PAPSS1: variants seen among roughly 807,000 people sequenced by gnomAD.
The protein encoded by PAPSS1 is bifunctional 3'-phosphoadenosine 5'-phosphosulfate synthase 1.
A neutral mutation model predicts 72.0 loss-of-function variants in PAPSS1; 50 were observed. That is an observed-to-expected ratio of 0.69 (90% CI 0.55 to 0.88). The LOEUF is 0.88. Among genes scored for constraint, PAPSS1 ranks in the 40% least tolerant of loss-of-function variants. The pLI, the probability that PAPSS1 is intolerant of heterozygous loss-of-function variation, is 0.00. For missense variants in PAPSS1, 657 were observed against 782.2 expected, an observed-to-expected ratio of 0.84 and a Z score of 1.91; for synonymous variants, 261 against 263.6, an observed-to-expected ratio of 0.99 and a Z score of 0.09.
intron 5 of PAPSS1, among the ~76,000 whole-genome samples, chr4:107,672,455 G>A (rs57875128): frequency 0.18 from 27,609 of 152,224 alleles, 2,954 homozygotes; most frequent in East Asian, 0.37. Context: ...TATGCCCACG[G>A]AGCCTCGCTC....
chr4:107,659,947 C>G lies in PAPSS1; in HGVS notation c.783+12G>C. ...CTGTATCACTTAGTGTGAAAAGCAACGAAGAACTTACTTTATTAATTTTCA... is the reference window on the plus strand; with the variant it reads ...CTGTATCACTTAGTGTGAAAAGCAAGGAAGAACTTACTTTATTAATTTTCA... On this transcript the variant is annotated intron_variant, in intron 6 of 11. Transcript: ENST00000265174. The G allele has an allele frequency of 7.0e-7, 1 of 1,433,030 alleles. No individual in the cohort carries two copies. Among genetic ancestry groups the G allele is most frequent in the Non-Finnish European group, 9.8e-7 (1 of 1,019,292 alleles). 88.8% of individuals were successfully genotyped at this position (1,433,030 alleles called of 1,614,324 possible). A position where few individuals can be genotyped will look rare whatever the true frequency, so the allele number is the denominator to read the frequency against.
intron 11 of PAPSS1, among the ~76,000 whole-genome samples, chr4:107,616,941 A>T (rs1351771976): frequency 6.6e-6 from 1 of 152,146 alleles, no homozygotes; most frequent in Non-Finnish European, 1.5e-5. Context: ...TCTCATCAAT[A>T]ATCCTCTTCA....
chr4:107,633,516 A>G (rs887701066), intron 10 of PAPSS1, among the ~76,000 whole-genome samples: 1 of 152,090 alleles, frequency 6.6e-6, no homozygotes, highest in Non-Finnish European at 1.5e-5. Flanking sequence ...TTAACATAAT[A>G]ATAAAACTGT....
intron 5 of PAPSS1, among the ~76,000 whole-genome samples, chr4:107,674,653 G>C (rs570910043): frequency 2.0e-5 from 3 of 151,888 alleles, no homozygotes; most frequent in Non-Finnish European, 1.5e-5. Context: ...GGATATCCAG[G>C]AATTGAACTC....
In PAPSS1 at chr4:107,719,834, G is replaced by A. The variant is rs564638513; in HGVS notation, c.60+286C>T. Reference sequence around the variant, plus strand: ...GTTCACGGGTGAAGGATTTTCCTGGGGGTCTTACCTGAGCGGAGGCGCTGG... The same window carrying A: ...GTTCACGGGTGAAGGATTTTCCTGGAGGTCTTACCTGAGCGGAGGCGCTGG... On this transcript the variant is annotated intron_variant, in intron 1 of 11. Coordinates refer to ENST00000265174, the MANE Select transcript of PAPSS1 (RefSeq NM_005443.5). The A allele has an allele frequency of 2.5e-4, 319 of 1,295,432 alleles. 1 individual carries two copies. The African/African-American group carries it at 4.5e-3, about 18-fold the overall frequency. 80.2% of individuals were successfully genotyped at this position (1,295,432 alleles called of 1,614,324 possible).
At chr4:107,621,958 T>A (rs1725976377) in intron 11 of PAPSS1, among the ~76,000 whole-genome samples, 1 of 152,058 alleles carries the variant, frequency 6.6e-6, no homozygotes, top group Non-Finnish European at 1.5e-5. Context: ...TGAGCACAAA[T>A]GGCTGGGACC....
intron 1 of PAPSS1, among the ~76,000 whole-genome samples, chr4:107,703,622 C>T (rs1477082381): frequency 2.6e-5 from 4 of 152,094 alleles, no homozygotes; most frequent in Non-Finnish European, 5.9e-5. Context: ...TGTCCTCTCC[C>T]CATCATGTAT....
In PAPSS1 at chr4:107,660,046, A is replaced by G. The variant is rs745964642; in HGVS notation, c.696T>C (p.Tyr232=). 2 of 1,590,392 alleles carry G rather than the reference A, an allele frequency of 1.3e-6. No individual in the cohort carries two copies. The highest frequency in any genetic ancestry group is 8.6e-7 in the Non-Finnish European group (1 of 1,162,250). Residue 232 remains tyrosine (Y), a synonymous_variant, in exon 6 of 12, where the codon TAT becomes TAC. Transcript: ENST00000265174. ...CTGGCACATATAGTTCTTTTACTTCATAAGATGCATCCACAGGTACAATAT... is the reference window on the plus strand; with the variant it reads ...CTGGCACATATAGTTCTTTTACTTCGTAAGATGCATCCACAGGTACAATAT... ...ERDIVPVDAS[Y]EVKELYVPEN...
intron 3 of PAPSS1, among the ~76,000 whole-genome samples, chr4:107,689,383 C>T (rs1468886241): frequency 6.6e-6 from 1 of 152,192 alleles, no homozygotes; most frequent in Non-Finnish European, 1.5e-5. Context: ...CAACCCCTCT[C>T]TTCTGGACAA....
chr4:107,632,792 C>T (rs1726257164), intron 10 of PAPSS1, among the ~76,000 whole-genome samples: 1 of 152,138 alleles, frequency 6.6e-6, no homozygotes, highest in Non-Finnish European at 1.5e-5. Context: ...AGCTTCCTTT[C>T]AGTGTAAGTC....
At chr4:107,714,710 A>C (rs1212231985) in intron 1 of PAPSS1, among the ~76,000 whole-genome samples, 3 of 152,158 alleles carry the variant, frequency 2.0e-5, no homozygotes, top group Non-Finnish European at 4.4e-5. Context: ...CTCCATACGC[A>C]AGTAGAATAG....
intron 3 of PAPSS1, among the ~76,000 whole-genome samples, chr4:107,689,681 C>T (rs1314204179): frequency 6.6e-6 from 1 of 152,108 alleles, no homozygotes; most frequent in South Asian, 2.1e-4. Context: ...TGTATCTAAT[C>T]GTCCTCATCT....
At chr4:107,619,058 GGTTTCAAAAAAGAAAAACT>G (rs530062347) in intron 11 of PAPSS1, among the ~76,000 whole-genome samples, 1 of 152,134 alleles carries the variant, frequency 6.6e-6, no homozygotes, top group African/African-American at 2.4e-5. Context: ...CTTAAACTCT[GGTTTCAAAAAAGAAAAACT>G]TGTCACTTGC....
At chr4:107,645,205 TAAAAAA>T in intron 9 of PAPSS1, 135 bp from the exon 10 acceptor site, 1 of 403,664 alleles carries the variant, frequency 2.5e-6, no homozygotes, top group Non-Finnish European at 4.2e-6. Flanking sequence ...AGAAAACTGG[TAAAAAA>T]AAAAAAAAAA....
chr4:107,680,558 T>C (rs1727778623), intron 5 of PAPSS1, among the ~76,000 whole-genome samples: 1 of 152,158 alleles, frequency 6.6e-6, no homozygotes. Context: ...CTAACACACT[T>C]CCTAGGAGTT....
intron 5 of PAPSS1, among the ~76,000 whole-genome samples, chr4:107,665,246 T>C (rs765981978): frequency 6.6e-6 from 1 of 152,184 alleles, no homozygotes; most frequent in Non-Finnish European, 1.5e-5. Flanking sequence ...AACATGCAGA[T>C]GCTGCCAGCT....
At chr4:107,711,011 C>T (rs12644615) in intron 1 of PAPSS1, among the ~76,000 whole-genome samples, 73,674 of 152,094 alleles carry the variant, frequency 0.48, 19,585 homozygotes, top group South Asian at 0.65. Context: ...CTATCCTTGA[C>T]CAAAGCACAG....
rs193133142 is a variant in PAPSS1 at position 107,673,742 on chromosome 4, T to C, written c.669+8273A>G. Among the ~76,000 whole-genome samples the C allele has an allele frequency of 1.2e-3, 178 of 149,970 alleles. 4 individuals carry two copies. Among genetic ancestry groups the C allele is most frequent in the Admixed American group, 0.012 (175 of 15,078 alleles). On this transcript the variant is annotated intron_variant, in intron 5 of 11. Coordinates refer to ENST00000265174, the MANE Select transcript of PAPSS1 (RefSeq NM_005443.5). ...AGAAGAGCAACTCCAAGACACACAA[T>C]TGTCAGATTCACCAAAGTTGAAATG... is the stretch of plus-strand genomic sequence containing the variant.
chr4:107,624,313 C>T (rs1239276050), intron 11 of PAPSS1, among the ~76,000 whole-genome samples: 3 of 152,220 alleles, frequency 2.0e-5, no homozygotes, highest in African/African-American at 7.2e-5. Flanking sequence ...GTGCTAACTG[C>T]GTTTCCCACA....
Sources: allele counts gnomAD v4.1 joint callset (sites outside exome capture counted in the v4.1 genomes callset), GRCh38; gene constraint gnomAD v4.1.1; transcripts MANE v1.5; gene names NCBI Gene and HGNC (gene_info 2026-07-23, HGNC 2026-07-21).